Variants in COL8A1 observed in about 807,000 individuals in gnomAD.
COL8A1 encodes the protein collagen type VIII alpha 1 chain.
COL8A1 carries 21 observed loss-of-function variants against 42.7 expected under a neutral mutation model. That is an observed-to-expected ratio of 0.49 (90% CI 0.35 to 0.71). COL8A1 has a LOEUF of 0.71. Among genes scored for constraint, COL8A1 ranks in the 30% least tolerant of loss-of-function variants. COL8A1 has a pLI of 0.01. For missense variants in COL8A1, 788 were observed against 962.4 expected (o/e 0.82, Z 2.40); for synonymous variants, 367 against 369.1 (o/e 0.99, Z 0.06).
chr3:99,639,771 T>C (rs1937469330), intron 1 of COL8A1, among the ~76,000 whole-genome samples: 1 of 152,208 alleles, frequency 6.6e-6, no homozygotes, highest in Admixed American at 6.5e-5. Context: ...AGAAAAACCC[T>C]CTTCAAATGT....
At chr3:99,706,361 G>A (rs745868216) in intron 1 of COL8A1, among the ~76,000 whole-genome samples, 1 of 152,150 alleles carries the variant, frequency 6.6e-6, no homozygotes, top group African/African-American at 2.4e-5. Flanking sequence ...TGTTCCCAGA[G>A]TGGTTTTTTT....
intron 1 of COL8A1, chr3:99,706,993 T>C (rs1241704602): frequency 2.0e-5 from 3 of 152,036 alleles, no homozygotes; most frequent in Admixed American, 1.3e-4. Context: ...AGGATCTGGA[T>C]CAACTTACAA....
At chr3:99,654,323 C>G (rs1937945454) in intron 1 of COL8A1, among the ~76,000 whole-genome samples, 1 of 152,148 alleles carries the variant, frequency 6.6e-6, no homozygotes, top group Non-Finnish European at 1.5e-5. Flanking sequence ...CAGACACACC[C>G]AGGAACAATA....
chr3:99,653,230 C>T (rs1174941755), intron 1 of COL8A1, among the ~76,000 whole-genome samples: 1 of 152,308 alleles, frequency 6.6e-6, no homozygotes, highest in Non-Finnish European at 1.5e-5. Flanking sequence ...TCAAGTGTCG[C>T]TGTCTACGTG....
rs9289865 is a variant in COL8A1, at chr3:99,639,449, G to A, written c.-129+785G>A. Among the ~76,000 whole-genome samples, 874 of 152,278 alleles carry A rather than the reference G, an allele frequency of 5.7e-3. 6 individuals carry two copies. Among genetic ancestry groups the A allele is most frequent in the African/African-American group, 0.02 (835 of 41,554 alleles). ...AGGCCAGATTATACAATACTTCTGT[G>A]CACACCAGATGGTTGTAAAGAAAGA... On this transcript the variant is annotated intron_variant, in intron 1 of 3. Coordinates refer to ENST00000652472, the MANE Select transcript of COL8A1 (RefSeq NM_020351.4).
intron 1 of COL8A1, among the ~76,000 whole-genome samples, chr3:99,667,690 GTTAATTC>G (rs566183504): frequency 5.1e-4 from 77 of 152,104 alleles, no homozygotes; most frequent in Non-Finnish European, 1.0e-3. Flanking sequence ...CACAAGGAAT[GTTAATTC>G]TTTCTTGTAA....
intron 1 of COL8A1, among the ~76,000 whole-genome samples, chr3:99,669,094 T>C (rs1235718400): frequency 1.4e-5 from 2 of 147,710 alleles, no homozygotes; most frequent in East Asian, 2.0e-4. Flanking sequence ...CAAGCCCATA[T>C]GGCTTTTTAA....
At chr3:99,674,776 ATTGGGAAT>A (rs1938644451) in intron 1 of COL8A1, among the ~76,000 whole-genome samples, 1 of 152,014 alleles carries the variant, frequency 6.6e-6, no homozygotes, top group African/African-American at 2.4e-5. Flanking sequence ...TCTTAAGTGC[ATTGGGAAT>A]TTGCTACTTA....
rs112509415 is a variant in COL8A1, at chr3:99,700,614, A to G, written c.-128-44283A>G. On this transcript the variant is annotated intron_variant, in intron 1 of 3. Transcript: ENST00000652472. ...ACCAAAACTGAGAATCAGAAAGAAA[A>G]CTCCTAATTCTGCCAAACCCATTTG... is the stretch of plus-strand genomic sequence containing the variant. 2.0e-3 allele frequency among the ~76,000 whole-genome samples: 299 copies of G among 151,058 alleles called. 1 individual carries two copies. Among genetic ancestry groups the G allele is most frequent in the African/African-American group, 7.0e-3 (287 of 41,160 alleles).
intron 1 of COL8A1, among the ~76,000 whole-genome samples, chr3:99,702,358 C>A (rs1939565379): frequency 1.3e-5 from 2 of 152,190 alleles, no homozygotes. Context: ...TTGCATCACA[C>A]TTTTGCTTAA....
chr3:99,682,583 A>T (rs1190432695), intron 1 of COL8A1, among the ~76,000 whole-genome samples: 1 of 151,470 alleles, frequency 6.6e-6, no homozygotes, highest in African/African-American at 2.4e-5. Context: ...TCTGACTTTT[A>T]TGTTCAGAAT....
intron 1 of COL8A1, among the ~76,000 whole-genome samples, chr3:99,682,626 A>T (rs1365940465): frequency 6.6e-6 from 1 of 152,018 alleles, no homozygotes; most frequent in Non-Finnish European, 1.5e-5. Flanking sequence ...AAAAAAAAAA[A>T]AAAGAAGTGC....
chr3:99,642,166 G>A (rs1283871891), intron 1 of COL8A1, among the ~76,000 whole-genome samples: 1 of 152,158 alleles, frequency 6.6e-6, no homozygotes, highest in African/African-American at 2.4e-5. Flanking sequence ...TAAGGAGTGA[G>A]AAGTATGAGC....
chr3:99,666,970 T>C (rs1031544531), intron 1 of COL8A1, among the ~76,000 whole-genome samples: 3 of 152,236 alleles, frequency 2.0e-5, no homozygotes, highest in African/African-American at 7.2e-5. Context: ...GCATGTTCTG[T>C]GGAGAGCATT....
chr3:99,743,454 G>C (rs1239219906), intron 1 of COL8A1, among the ~76,000 whole-genome samples: 2 of 151,978 alleles, frequency 1.3e-5, no homozygotes, highest in South Asian at 4.2e-4. Context: ...TCAGAGCCTG[G>C]GCCTTGTACT....
chr3:99,709,734 G>A (rs1400556265), intron 1 of COL8A1, among the ~76,000 whole-genome samples: 1 of 152,158 alleles, frequency 6.6e-6, no homozygotes, highest in East Asian at 1.9e-4. Flanking sequence ...CATCAATGTT[G>A]TGAATAGCAA....
At chr3:99,719,791 G>A (rs1429987419) in intron 1 of COL8A1, among the ~76,000 whole-genome samples, 1 of 152,090 alleles carries the variant, frequency 6.6e-6, no homozygotes, top group African/African-American at 2.4e-5. Context: ...AGATGTAGAT[G>A]TCAGTAGGAC....
Position 99,652,237 on chromosome 3 carries a change from C to A in COL8A1, c.-129+13573C>A, listed in dbSNP as rs1937869735. 2.0e-5 allele frequency among the ~76,000 whole-genome samples: 3 copies of A among 152,258 alleles called. No individual in the cohort carries two copies. The South Asian group carries it at 6.2e-4, about 32-fold the overall frequency. On this transcript the variant is annotated intron_variant, in intron 1 of 3. Coordinates refer to ENST00000652472, the MANE Select transcript of COL8A1 (RefSeq NM_020351.4). ...CTTCTCATATTTATGAAATAGAATT[C>A]ATTGTCACCACATCAGCAAAAGAGT...
At position 99,731,279 on chromosome 3, in the gene COL8A1, G is replaced by C. The variant is rs147653419; in HGVS notation, c.-128-13618G>C. 4.1e-3 allele frequency among the ~76,000 whole-genome samples: 630 copies of C among 152,260 alleles called. 2 individuals carry two copies. Among genetic ancestry groups the C allele is most frequent in the Non-Finnish European group, 5.5e-3 (376 of 68,006 alleles). ...GTTCAAGAAAAACCTTTTTGAGGAAGTGATATTCAAGAGGAGATTGAAATG... is the reference window on the plus strand; with the variant it reads ...GTTCAAGAAAAACCTTTTTGAGGAACTGATATTCAAGAGGAGATTGAAATG... On this transcript the variant is annotated intron_variant, in intron 1 of 3. Transcript: ENST00000652472.
Sources: allele counts gnomAD v4.1 joint callset (sites outside exome capture counted in the v4.1 genomes callset), GRCh38; gene constraint gnomAD v4.1.1; transcripts MANE v1.5; gene names NCBI Gene and HGNC (gene_info 2026-07-23, HGNC 2026-07-21).